Variants in FAP observed in about 807,000 individuals in gnomAD.
The protein encoded by FAP is prolyl endopeptidase FAP.
FAP carries 110 observed loss-of-function variants against 126.5 expected under a neutral mutation model. That is an observed-to-expected ratio of 0.87 (90% CI 0.74 to 1.02). The LOEUF (loss-of-function observed/expected upper bound fraction) is 1.02, where lower values mean the gene tolerates loss of function less well. FAP is among the 50% of genes least tolerant of loss of function. FAP has a pLI of 0.00. For missense variants in FAP, 919 were observed against 909.2 expected (o/e 1.01, Z -0.14); for synonymous variants, 334 against 297.3 (o/e 1.12, Z -1.27).
intron 6 of FAP, among the ~76,000 whole-genome samples, chr2:162,220,357 T>C (rs1384186969): frequency 2.0e-5 from 3 of 152,228 alleles, no homozygotes; most frequent in African/African-American, 7.2e-5. Flanking sequence ...ACCCCTGGGA[T>C]TGTAAAATTT....
chr2:162,203,539 T>C (rs1265244516), intron 12 of FAP, among the ~76,000 whole-genome samples: 3 of 152,252 alleles, frequency 2.0e-5, no homozygotes, highest in Non-Finnish European at 4.4e-5. Context: ...ATACCTCTTT[T>C]AATTCTTGAT....
intron 20 of FAP, 193 bp from the exon 21 acceptor site, chr2:162,183,661 T>A (rs1687768273): frequency 1.9e-6 from 1 of 528,668 alleles, no homozygotes; most frequent in Non-Finnish European, 3.4e-6. Flanking sequence ...GATAAAAGGA[T>A]TCCCTTAGAC....
intron 25 of FAP, 145 bp from the exon 26 acceptor site, chr2:162,171,225 C>G (rs1193274144): frequency 1.7e-6 from 1 of 589,828 alleles, no homozygotes; most frequent in Non-Finnish European, 3.0e-6. Flanking sequence ...AAATAGCTTA[C>G]ATGTAAATAT....
At chr2:162,172,308 A>C (rs1449833301) in intron 25 of FAP, 1 of 152,640 alleles carries the variant, frequency 6.6e-6, no homozygotes, top group Admixed American at 6.5e-5. Context: ...CTCAGTAAGA[A>C]GCTGAGCATC....
Position 162,189,724 on chromosome 2 carries a change from A to G in FAP, c.1481T>C (p.Leu494Ser), listed in dbSNP as rs778977625. Residue 494 changes from leucine (L) to serine (S), a missense_variant, in exon 18 of 26, where the codon TTG becomes TCG. Coordinates refer to ENST00000188790, the MANE Select transcript of FAP (RefSeq NM_004460.5). ...CTGGATATTTTTCAAAGCATTTTCCAATTCCTTGTTTTCTTCCAGGATTTT... is the reference window on the plus strand; with the variant it reads ...CTGGATATTTTTCAAAGCATTTTCCGATTCCTTGTTTTCTTCCAGGATTTT... Reference protein sequence around the residue: ...EIKILEENKELENALKNIQLP... With the variant: ...EIKILEENKESENALKNIQLP... 5 of 1,588,152 alleles carry G rather than the reference A, an allele frequency of 3.1e-6. No homozygotes were observed. The African/African-American group carries it at 6.8e-5, about 21-fold the overall frequency.
In FAP at chr2:162,194,602, C is replaced by T. The variant is rs1300275161; in HGVS notation, c.1450+99G>A. On this transcript the variant is annotated intron_variant, in intron 17 of 25. Transcript: ENST00000188790. Reference sequence around the variant, plus strand: ...ATAACAGGATTCCATCGCAGTTCCCCTTGGTGGTGTGGAGAAACTGTCCTG... The same window carrying T: ...ATAACAGGATTCCATCGCAGTTCCCTTTGGTGGTGTGGAGAAACTGTCCTG... 13 of 1,027,500 alleles carry T rather than the reference C, an allele frequency of 1.3e-5. No homozygotes were observed. In the African/African-American group the frequency reaches 1.4e-4, roughly 11 times the overall value. The allele number at this position is 1,027,500 out of a possible 1,614,324, so 63.6% of individuals were successfully genotyped here. A position where few individuals can be genotyped will look rare whatever the true frequency, so the allele number is the denominator to read the frequency against.
At chr2:162,232,497 G>T (rs1689939899) in intron 2 of FAP, among the ~76,000 whole-genome samples, 1 of 152,158 alleles carries the variant, frequency 6.6e-6, no homozygotes, top group Non-Finnish European at 1.5e-5. Flanking sequence ...ACACAAAGGG[G>T]TAGAATAATT....
At chr2:162,190,396 A>G (rs142850146) in intron 17 of FAP, among the ~76,000 whole-genome samples, 21 of 147,578 alleles carry the variant, frequency 1.4e-4, no homozygotes, top group African/African-American at 5.3e-4. Flanking sequence ...TATTGTGTAT[A>G]CACACACACA....
At chr2:162,230,516 A>C (rs910020325) in intron 2 of FAP, among the ~76,000 whole-genome samples, 9 of 152,114 alleles carry the variant, frequency 5.9e-5, no homozygotes, top group Admixed American at 2.0e-4. Flanking sequence ...GAGCTCAATA[A>C]ATATTTGCTG....
In FAP at chr2:162,226,217, T is replaced by A. The variant is rs535417751; in HGVS notation, c.190+306A>T. On this transcript the variant is annotated intron_variant, in intron 3 of 25. Coordinates refer to ENST00000188790, the MANE Select transcript of FAP (RefSeq NM_004460.5). ...TCTCTTTTGGTAAAATTTTTGTGAC[T>A]TCTCCTAAATAGGAATATATCTACC... Among the ~76,000 whole-genome samples the A allele has an allele frequency of 2.6e-5, 4 of 152,276 alleles. No individual in the cohort carries two copies. The South Asian group carries it at 8.3e-4, about 32-fold the overall frequency.
At chr2:162,186,783 A>T (rs182041220) in intron 20 of FAP, among the ~76,000 whole-genome samples, 161 of 152,228 alleles carry the variant, frequency 1.1e-3, no homozygotes, top group African/African-American at 3.6e-3. Context: ...TGCTAAAAAA[A>T]GTCCCCCATG....
At chr2:162,213,660 A>T (rs1041963660) in intron 11 of FAP, among the ~76,000 whole-genome samples, 3 of 152,104 alleles carry the variant, frequency 2.0e-5, no homozygotes, top group Admixed American at 6.6e-5. Context: ...TACCATTATA[A>T]TTGAGAACCA....
intron 2 of FAP, among the ~76,000 whole-genome samples, chr2:162,232,091 A>G (rs1201923950): frequency 2.0e-5 from 3 of 152,174 alleles, no homozygotes; most frequent in Non-Finnish European, 4.4e-5. Context: ...AGGAAGTATT[A>G]GGATGGGAAA....
chr2:162,226,360 T>C (rs1037912079), intron 3 of FAP, among the ~76,000 whole-genome samples, 163 bp downstream of exon 3: 1 of 152,156 alleles, frequency 6.6e-6, no homozygotes, highest in Non-Finnish European at 1.5e-5. Context: ...TATGAATGGT[T>C]TTGTCAAAAG....
chr2:162,198,488 C>T (rs1417764831), intron 16 of FAP: 2 of 703,290 alleles, frequency 2.8e-6, no homozygotes, highest in Non-Finnish European at 4.3e-6. Context: ...GGCAACAGCA[C>T]TTGCTTCAGT....
chr2:162,222,079 A>G (rs1011573293), intron 6 of FAP, among the ~76,000 whole-genome samples: 8 of 152,184 alleles, frequency 5.3e-5, no homozygotes, highest in Non-Finnish European at 1.2e-4. Context: ...ATTTTAGGCC[A>G]TAAAGTTTAC....
intron 2 of FAP, among the ~76,000 whole-genome samples, chr2:162,233,667 T>C (rs1689988738): frequency 6.6e-6 from 1 of 152,176 alleles, no homozygotes; most frequent in Non-Finnish European, 1.5e-5. Context: ...ATTTTCTAGG[T>C]AGTCTTTTCA....
At chr2:162,201,672 A>G (rs1688501584) in intron 14 of FAP, among the ~76,000 whole-genome samples, 1 of 151,930 alleles carries the variant, frequency 6.6e-6, no homozygotes, top group Non-Finnish European at 1.5e-5. Context: ...TTTAGCCTCC[A>G]TCTGTTTTTA....
chr2:162,203,782 G>C (rs1688590785), intron 12 of FAP, among the ~76,000 whole-genome samples: 1 of 152,016 alleles, frequency 6.6e-6, no homozygotes, highest in Non-Finnish European at 1.5e-5. Flanking sequence ...GAACTTGCTG[G>C]GAACCAATTA....
Sources: gnomAD v4.1 joint callset for allele counts (sites outside exome capture counted in the v4.1 genomes callset) on GRCh38, gnomAD v4.1.1 for gene constraint, MANE v1.5 for transcripts, NCBI Gene and HGNC (gene_info 2026-07-23, HGNC 2026-07-21) for gene names.